FIG4: variants seen among roughly 807,000 people sequenced by gnomAD.
FIG4 encodes the protein polyphosphoinositide phosphatase.
A neutral mutation model predicts 118.6 loss-of-function variants in FIG4; 112 were observed. The ratio of observed to expected loss-of-function variants is 0.94; its 90% CI spans 0.81 to 1.11. The LOEUF is 1.11. Ranked by LOEUF, FIG4 falls within the 50% of genes least tolerant of loss-of-function variation. FIG4 has a pLI of 0.00. For missense variants in FIG4, 969 were observed against 1,111.7 expected (o/e 0.87, Z 1.83); for synonymous variants, 369 against 381.2 (o/e 0.97, Z 0.37).
At chr6:109,720,115 A>G (rs895491155) in intron 3 of FIG4, among the ~76,000 whole-genome samples, 1 of 152,220 alleles carries the variant, frequency 6.6e-6, no homozygotes, top group East Asian at 1.9e-4. Context: ...AAGTAAAGTA[A>G]GACAATAACG....
chr6:109,714,753 C>G (rs1336121185), intron 1 of FIG4, among the ~76,000 whole-genome samples: 2 of 152,166 alleles, frequency 1.3e-5, no homozygotes, highest in Non-Finnish European at 2.9e-5. Context: ...ACCAGAGCTT[C>G]TTCCTGGTAA....
chr6:109,716,868 G>A (rs1775447837), intron 3 of FIG4, among the ~76,000 whole-genome samples: 1 of 152,122 alleles, frequency 6.6e-6, no homozygotes, highest in African/African-American at 2.4e-5. Flanking sequence ...AATTAGCTTG[G>A]ACTGGACTGT....
chr6:109,819,699 C>T (rs1778954071), intron 22 of FIG4, among the ~76,000 whole-genome samples: 1 of 152,098 alleles, frequency 6.6e-6, no homozygotes, highest in African/African-American at 2.4e-5. Context: ...GAACTCCTGA[C>T]CTCAGGTGAT....
chr6:109,735,083 T>C (rs1349567122), intron 5 of FIG4, 67 bp from the exon 6 acceptor site: 5 of 1,352,488 alleles, frequency 3.7e-6, no homozygotes, highest in Non-Finnish European at 5.3e-6. Flanking sequence ...TAATTCTATA[T>C]GGGCGCCAAG....
chr6:109,739,825 G>C (rs1482569557), intron 7 of FIG4, among the ~76,000 whole-genome samples: 2 of 152,158 alleles, frequency 1.3e-5, no homozygotes, highest in Non-Finnish European at 2.9e-5. Context: ...CCATTATTAT[G>C]CTTTCTTGTA....
At chr6:109,780,888 A>C (rs1252352487) in intron 16 of FIG4, among the ~76,000 whole-genome samples, 1 of 152,232 alleles carries the variant, frequency 6.6e-6, no homozygotes, top group Non-Finnish European at 1.5e-5. Context: ...CACTAATTGA[A>C]GCTTTGTTCT....
chr6:109,780,435 A>T (rs932928799), intron 16 of FIG4, among the ~76,000 whole-genome samples: 57 of 151,054 alleles, frequency 3.8e-4, no homozygotes, highest in African/African-American at 1.3e-3. Context: ...CTGGCCTCCA[A>T]CTCCTGGGCT....
intron 16 of FIG4, among the ~76,000 whole-genome samples, chr6:109,778,241 A>G (rs1777677544): frequency 6.6e-6 from 1 of 151,596 alleles, no homozygotes; most frequent in Non-Finnish European, 1.5e-5. Flanking sequence ...CGGGAGGATT[A>G]CCTGAGGTCA....
intron 22 of FIG4, among the ~76,000 whole-genome samples, chr6:109,814,066 G>A (rs537669545): frequency 3.3e-5 from 5 of 152,140 alleles, no homozygotes; most frequent in Non-Finnish European, 5.9e-5. Context: ...AATACAGACA[G>A]GAATATCACA....
chr6:109,823,872 C>T lies in FIG4; in HGVS notation c.2547-1216C>T, dbSNP rs1405805593. ...CCAACCACCCGCATTCTCACAGGGC[C>T]AGCCCTGAGCCAAGTAGCAGAGTGT... On this transcript the variant is annotated intron_variant, in intron 22 of 22. Transcript: ENST00000230124. 4.6e-5 allele frequency among the ~76,000 whole-genome samples: 7 copies of T among 152,330 alleles called. No individual in the cohort carries two copies. The East Asian group carries it at 1.4e-3, about 29-fold the overall frequency.
intron 22 of FIG4, among the ~76,000 whole-genome samples, chr6:109,805,575 G>C (rs997804667): frequency 1.3e-5 from 2 of 152,124 alleles, no homozygotes; most frequent in East Asian, 3.9e-4. Flanking sequence ...CTAAAGGGTT[G>C]CAGTTTCTAT....
At chr6:109,741,179 G>A (rs750478270) in intron 7 of FIG4, among the ~76,000 whole-genome samples, 5 of 152,094 alleles carry the variant, frequency 3.3e-5, no homozygotes, top group Non-Finnish European at 7.4e-5. Flanking sequence ...GCTTTCCTTG[G>A]CCAGTAACCC....
At chr6:109,787,331 A>C (rs1269536500) in intron 18 of FIG4, among the ~76,000 whole-genome samples, 2 of 152,204 alleles carry the variant, frequency 1.3e-5, no homozygotes, top group Non-Finnish European at 2.9e-5. Context: ...TGTGTGGTAC[A>C]TAGAAACATA....
chr6:109,758,766 A>AAAACAAAC (rs1777003187), intron 10 of FIG4, among the ~76,000 whole-genome samples: 1 of 151,084 alleles, frequency 6.6e-6, no homozygotes, highest in Admixed American at 6.6e-5. Context: ...TTACAAGAAA[A>AAAACAAAC]TACCCCATCA....
intron 1 of FIG4, among the ~76,000 whole-genome samples, chr6:109,713,085 C>T (rs1157380578): frequency 2.0e-5 from 3 of 152,158 alleles, no homozygotes; most frequent in Non-Finnish European, 4.4e-5. Context: ...TCTGGCTCCT[C>T]GAGGTTAGGT....
intron 1 of FIG4, among the ~76,000 whole-genome samples, chr6:109,703,378 A>G (rs1019877797): frequency 1.3e-5 from 2 of 152,084 alleles, no homozygotes; most frequent in East Asian, 1.9e-4. Context: ...CTACAGAGGT[A>G]TCAGGGGCTT....
At chr6:109,733,109 T>C (rs935084407) in intron 5 of FIG4, among the ~76,000 whole-genome samples, 2 of 152,150 alleles carry the variant, frequency 1.3e-5, no homozygotes, top group African/African-American at 4.8e-5. Context: ...GATGTACTGC[T>C]GGTGGCATTG....
At chr6:109,757,023 T>C (rs754114292) in intron 10 of FIG4, among the ~76,000 whole-genome samples, 2 of 152,208 alleles carry the variant, frequency 1.3e-5, no homozygotes, top group African/African-American at 2.4e-5. Flanking sequence ...ACCCGTCTTC[T>C]GCGTCGCTCA....
At chr6:109,750,579 G>A (rs938592005) in intron 10 of FIG4, among the ~76,000 whole-genome samples, 2 of 152,166 alleles carry the variant, frequency 1.3e-5, no homozygotes, top group African/African-American at 2.4e-5. Flanking sequence ...GATGCAGTGA[G>A]CTATGATTGC....
Sources: allele counts gnomAD v4.1 joint callset (sites outside exome capture counted in the v4.1 genomes callset), GRCh38; gene constraint gnomAD v4.1.1; transcripts MANE v1.5; gene names NCBI Gene and HGNC (gene_info 2026-07-23, HGNC 2026-07-21).